Variants in RANBP17 observed in about 807,000 individuals in gnomAD.
The protein encoded by RANBP17 is RAN binding protein 17.
Under a neutral mutation model 141.2 loss-of-function variants are expected in RANBP17, and 158 were observed. That is an observed-to-expected ratio of 1.12 (90% CI 0.98 to 1.28). The LOEUF is 1.28. RANBP17 is among the 50% of genes most tolerant of loss of function. The probability of loss-of-function intolerance (pLI) is 0.00; values close to 1 mark genes in which losing one functional copy is unlikely to be tolerated. For synonymous variants in RANBP17, 430 were observed against 450.0 expected (o/e 0.96, Z 0.56); for missense variants, 1,438 against 1,290.7 (o/e 1.11, Z -1.75).
intron 14 of RANBP17, among the ~76,000 whole-genome samples, chr5:170,984,936 A>G (rs1041881250): frequency 3.9e-5 from 6 of 152,070 alleles, no homozygotes; most frequent in Non-Finnish European, 5.9e-5. Context: ...TAAGTTTTAA[A>G]AATGGATAAG....
chr5:171,224,882 CAAGG>C lies in RANBP17; in HGVS notation c.2422+3043_2422+3046del, dbSNP rs530560398. The stretch of plus-strand genomic sequence containing the variant: ...ACCATACATTACCCTGTTGAATCCT[CAAGG>C]TAGGTATTATATGCTACTCACTAGT... On this transcript the variant is annotated intron_variant, in intron 22 of 27. Coordinates refer to ENST00000523189, the MANE Select transcript of RANBP17 (RefSeq NM_022897.5). Among the ~76,000 whole-genome samples the C allele has an allele frequency of 7.5e-3, 1,141 of 152,290 alleles. 13 individuals are homozygous for C. Among genetic ancestry groups the C allele is most frequent in the African/African-American group, 0.026 (1,079 of 41,554 alleles).
intron 14 of RANBP17, among the ~76,000 whole-genome samples, chr5:171,125,980 G>GTT (rs750914838): frequency 2.0e-5 from 3 of 152,096 alleles, no homozygotes; most frequent in African/African-American, 4.8e-5. Context: ...TAGAGATGGA[G>GTT]TTTCACCATG....
intron 14 of RANBP17, among the ~76,000 whole-genome samples, chr5:171,110,833 C>G (rs916255796): frequency 1.3e-5 from 2 of 150,782 alleles, no homozygotes; most frequent in African/African-American, 2.4e-5. Flanking sequence ...ACTCCCCTCT[C>G]TGGTAATAAG....
At chr5:171,282,709 A>G (rs548926886) in intron 25 of RANBP17, among the ~76,000 whole-genome samples, 1 of 152,008 alleles carries the variant, frequency 6.6e-6, no homozygotes, top group East Asian at 1.9e-4. Context: ...TGAACTCCTG[A>G]CCTCAGGTGA....
At chr5:170,986,884 T>C (rs1442025969) in intron 14 of RANBP17, among the ~76,000 whole-genome samples, 2 of 151,810 alleles carry the variant, frequency 1.3e-5, no homozygotes, top group East Asian at 3.9e-4. Flanking sequence ...AATAAGGAAA[T>C]AGAAAAACAT....
chr5:171,194,242 G>T (rs975093775), intron 18 of RANBP17, among the ~76,000 whole-genome samples: 1 of 152,026 alleles, frequency 6.6e-6, no homozygotes, highest in African/African-American at 2.4e-5. Context: ...TGTAAAGTAC[G>T]TAATTCATTG....
chr5:171,193,109 C>T (rs1761756851), intron 18 of RANBP17, among the ~76,000 whole-genome samples: 1 of 152,178 alleles, frequency 6.6e-6, no homozygotes, highest in South Asian at 2.1e-4. Context: ...TTATTTTCTT[C>T]GCCCAGTGCC....
At chr5:171,101,629 C>T (rs1406964839) in intron 14 of RANBP17, among the ~76,000 whole-genome samples, 1 of 152,134 alleles carries the variant, frequency 6.6e-6, no homozygotes, top group East Asian at 1.9e-4. Flanking sequence ...TGAATATGAT[C>T]CTGTCATTAT....
chr5:171,033,728 C>T (rs1781693267), intron 14 of RANBP17, among the ~76,000 whole-genome samples: 1 of 152,106 alleles, frequency 6.6e-6, no homozygotes, highest in Admixed American at 6.6e-5. Flanking sequence ...TGTTCATTCA[C>T]TCTCTGTTGA....
intron 16 of RANBP17, among the ~76,000 whole-genome samples, chr5:171,171,622 T>G (rs1393531992): frequency 6.6e-6 from 1 of 151,976 alleles, no homozygotes; most frequent in African/African-American, 2.4e-5. Flanking sequence ...GAAATTCGTG[T>G]CCTAAAAGAA....
At chr5:171,011,291 GTTATTATCCAAT>G (rs1581390550) in intron 14 of RANBP17, among the ~76,000 whole-genome samples, 1 of 151,978 alleles carries the variant, frequency 6.6e-6, no homozygotes, top group East Asian at 1.9e-4. Context: ...AAATATTGAT[GTTATTATCCAAT>G]TTATTATCAG....
At chr5:171,060,330 A>G (rs1783723828) in intron 14 of RANBP17, among the ~76,000 whole-genome samples, 1 of 150,202 alleles carries the variant, frequency 6.7e-6, no homozygotes, top group South Asian at 2.2e-4. Flanking sequence ...TTATTTTGAG[A>G]TACGTCCCAT....
intron 14 of RANBP17, among the ~76,000 whole-genome samples, chr5:171,001,471 T>TG (rs1561974094): frequency 6.6e-6 from 1 of 152,146 alleles, no homozygotes; most frequent in East Asian, 1.9e-4. Flanking sequence ...TCCAAGTTTT[T>TG]GGGGTACACT....
At chr5:171,146,138 A>G (rs1758012943) in intron 14 of RANBP17, among the ~76,000 whole-genome samples, 1 of 152,196 alleles carries the variant, frequency 6.6e-6, no homozygotes, top group African/African-American at 2.4e-5. Flanking sequence ...TGAGGTGACC[A>G]AATAATATCC....
intron 3 of RANBP17, among the ~76,000 whole-genome samples, chr5:170,889,310 A>C (rs988616406): frequency 1.3e-5 from 2 of 152,020 alleles, no homozygotes; most frequent in Non-Finnish European, 2.9e-5. Flanking sequence ...TTTGGGGCAG[A>C]GGTAGAAATT....
chr5:171,288,122 A>G (rs1419631932), intron 25 of RANBP17, among the ~76,000 whole-genome samples: 1 of 152,112 alleles, frequency 6.6e-6, no homozygotes, highest in Admixed American at 6.6e-5. Flanking sequence ...TCAGTGGACC[A>G]TTTTCCAGAG....
In RANBP17 at chr5:171,122,089, A is replaced by C. The variant is rs758481753; in HGVS notation, c.1711-48041A>C. Reference sequence around the variant, plus strand: ...TTCTTCTGCTTACTTTTTCCCTGCAATAGGACCTCCCTCATGGCTCTACGC... The same window carrying C: ...TTCTTCTGCTTACTTTTTCCCTGCACTAGGACCTCCCTCATGGCTCTACGC... On this transcript the variant is annotated intron_variant, in intron 14 of 27. Transcript: ENST00000523189. 5.3e-5 allele frequency among the ~76,000 whole-genome samples: 8 copies of C among 152,166 alleles called. No homozygotes were observed. In the East Asian group the frequency reaches 7.7e-4, roughly 15 times the overall value.
intron 12 of RANBP17, among the ~76,000 whole-genome samples, chr5:170,927,512 C>CTT (rs149220017): frequency 5.3e-5 from 8 of 150,572 alleles, no homozygotes; most frequent in African/African-American, 1.9e-4. Flanking sequence ...GCCATTTGGC[C>CTT]TTTTTTTTTG....
At chr5:171,195,957 A>G (rs1056715784) in intron 18 of RANBP17, among the ~76,000 whole-genome samples, 1 of 152,234 alleles carries the variant, frequency 6.6e-6, no homozygotes, top group Non-Finnish European at 1.5e-5. Flanking sequence ...GCACTCAAGG[A>G]ATAACAGCTG....
Sources: gnomAD v4.1 joint callset for allele counts (sites outside exome capture counted in the v4.1 genomes callset) on GRCh38, gnomAD v4.1.1 for gene constraint, MANE v1.5 for transcripts, NCBI Gene and HGNC (gene_info 2026-07-23, HGNC 2026-07-21) for gene names.